MYO3A: variants seen among roughly 807,000 people sequenced by gnomAD.
MYO3A encodes the protein myosin-IIIa.
MYO3A carries 180 observed loss-of-function variants against 192.7 expected under a neutral mutation model. The ratio of observed to expected loss-of-function variants is 0.93; its 90% CI spans 0.83 to 1.06. The LOEUF (loss-of-function observed/expected upper bound fraction) is 1.06, where lower values mean the gene tolerates loss of function less well. Among genes scored for constraint, MYO3A ranks in the 50% least tolerant of loss-of-function variants. MYO3A has a pLI of 0.00. For missense variants in MYO3A, 1,896 were observed against 1,905.0 expected, an observed-to-expected ratio of 1.00 and a Z score of 0.09; for synonymous variants, 628 against 645.3, an observed-to-expected ratio of 0.97 and a Z score of 0.41.
rs1840463413 is a variant in MYO3A at position 25,996,716 on chromosome 10, TATGCA to T, written c.408+124_408+128del. 1.2e-5 allele frequency: 10 copies of T among 828,768 alleles called. No homozygotes were observed. The South Asian group carries it at 1.5e-4, about 12-fold the overall frequency. The allele number at this position is 828,768 out of a possible 1,614,324, so 51.3% of individuals were successfully genotyped here. Reference sequence around the variant, plus strand: ...ATTAGTATTTATTGATGGAAGAATATATGCAAAATCTGACATGTTCAGCATAGCTA... The same window carrying T: ...ATTAGTATTTATTGATGGAAGAATATAAATCTGACATGTTCAGCATAGCTA... On this transcript the variant is annotated intron_variant, in intron 5 of 34. Coordinates refer to ENST00000642920, the MANE Select transcript of MYO3A (RefSeq NM_017433.5).
At chr10:26,186,600 C>A (rs540796799) in intron 31 of MYO3A, among the ~76,000 whole-genome samples, 207 of 152,272 alleles carry the variant, frequency 1.4e-3, no homozygotes, top group African/African-American at 4.7e-3. Context: ...TAATGTGTAG[C>A]AAAGTAAATG....
Position 26,096,489 on chromosome 10 carries a change from C to CTGGG in MYO3A, c.1661+10_1661+11insTGGG. 6.2e-7 allele frequency: 1 copy of CTGGG among 1,608,222 alleles called. No homozygotes were observed. The highest frequency in any genetic ancestry group is 8.5e-7 in the Non-Finnish European group (1 of 1,174,866). ...AAAATAAGCCTCCCAGGTAATCTAC[C>CTGGG]AGGTTGAGCTTTCATCAATAATACT... On this transcript the variant is annotated intron_variant, in intron 16 of 34. Transcript: ENST00000642920.
intron 31 of MYO3A, among the ~76,000 whole-genome samples, chr10:26,189,055 T>C (rs1422801699): frequency 6.6e-6 from 1 of 152,226 alleles, no homozygotes; most frequent in Non-Finnish European, 1.5e-5. Context: ...GGGGATGGCA[T>C]TGAATCTATA....
At chr10:26,056,706 C>T (rs7917879) in intron 10 of MYO3A, among the ~76,000 whole-genome samples, 75,642 of 151,870 alleles carry the variant, frequency 0.5, 19,360 homozygotes, top group Middle Eastern at 0.6. Context: ...AGAAGCAAAG[C>T]GCTATCTTCC....
intron 14 of MYO3A, among the ~76,000 whole-genome samples, chr10:26,075,590 GAT>G (rs1220259104): frequency 2.9e-4 from 38 of 128,832 alleles, no homozygotes; most frequent in African/African-American, 7.8e-4. Context: ...ATATATATAT[GAT>G]ATATATATGT....
chr10:26,192,247 C>CA (rs1485955484), intron 31 of MYO3A, among the ~76,000 whole-genome samples: 2 of 151,960 alleles, frequency 1.3e-5, no homozygotes, highest in African/African-American at 4.8e-5. Flanking sequence ...TAGGAAAAGA[C>CA]AAAAAAATTT....
In MYO3A at chr10:26,096,426, G is replaced by C. The variant is rs765769520; in HGVS notation, c.1608G>C (p.Leu536Phe). 16 of 1,613,406 alleles carry C rather than the reference G, an allele frequency of 9.9e-6. No individual in the cohort carries two copies. In the Admixed American group the frequency reaches 2.7e-4, roughly 27 times the overall value. ...TTTTTTACTACATTTATGCTGGTTT[G>C]GCTGAAAAGAAGAAACTAGCCCATT... is the stretch of plus-strand genomic sequence containing the variant. ...FHIFYYIYAG[L>F]AEKKKLAHYK... Residue 536 changes from leucine (L) to phenylalanine (F), a missense_variant, in exon 16 of 35, where the codon TTG becomes TTC. Coordinates refer to ENST00000642920, the MANE Select transcript of MYO3A (RefSeq NM_017433.5).
intron 2 of MYO3A, among the ~76,000 whole-genome samples, chr10:25,939,778 C>G (rs1179023637): frequency 6.6e-6 from 1 of 151,732 alleles, no homozygotes; most frequent in African/African-American, 2.4e-5. Context: ...TTTATTTATC[C>G]TTACAAACAT....
chr10:26,122,850 A>G (rs1471618947), intron 18 of MYO3A, among the ~76,000 whole-genome samples: 1 of 152,224 alleles, frequency 6.6e-6, no homozygotes, highest in African/African-American at 2.4e-5. Context: ...ATCCCCAGGT[A>G]AAATGCCTAG....
chr10:26,062,795 G>A (rs1016861384), intron 10 of MYO3A, among the ~76,000 whole-genome samples: 2 of 152,094 alleles, frequency 1.3e-5, no homozygotes, highest in African/African-American at 4.8e-5. Context: ...AAAGAAAATC[G>A]AAAGACAGGT....
chr10:25,990,326 T>A (rs1839932512), intron 4 of MYO3A, among the ~76,000 whole-genome samples: 1 of 152,066 alleles, frequency 6.6e-6, no homozygotes, highest in South Asian at 2.1e-4. Flanking sequence ...TTTTTTCAAA[T>A]TTTTAAATTA....
intron 4 of MYO3A, among the ~76,000 whole-genome samples, chr10:25,977,616 T>G (rs1375618674): frequency 3.9e-5 from 6 of 152,190 alleles, no homozygotes; most frequent in Non-Finnish European, 1.5e-5. Context: ...TGGGGTGTAT[T>G]TTTTCTCAGT....
chr10:26,154,848 T>G, intron 25 of MYO3A, 25 bp downstream of exon 25: 1 of 1,583,846 alleles, frequency 6.3e-7, no homozygotes, highest in African/African-American at 1.3e-5. Flanking sequence ...TATGATGTAT[T>G]GTGCTTAGGG....
intron 14 of MYO3A, among the ~76,000 whole-genome samples, chr10:26,079,224 G>T (rs11527599): frequency 6.6e-6 from 1 of 151,908 alleles, no homozygotes; most frequent in Non-Finnish European, 1.5e-5. Flanking sequence ...TTAGGATTGC[G>T]ATATTTTCCT....
chr10:26,049,520 AG>A (rs1843842599), intron 10 of MYO3A, among the ~76,000 whole-genome samples: 1 of 152,136 alleles, frequency 6.6e-6, no homozygotes, highest in African/African-American at 2.4e-5. Context: ...GATACATATG[AG>A]AGGGGATCAT....
chr10:26,015,098 A>G (rs1411962393), intron 6 of MYO3A, among the ~76,000 whole-genome samples: 1 of 152,192 alleles, frequency 6.6e-6, no homozygotes, highest in African/African-American at 2.4e-5. Context: ...TTCCCTAGCA[A>G]AGCAAACGAC....
At chr10:25,941,353 G>C (rs748674302) in intron 2 of MYO3A, among the ~76,000 whole-genome samples, 10 of 152,216 alleles carry the variant, frequency 6.6e-5, no homozygotes, top group Non-Finnish European at 1.5e-4. Context: ...AAAATATTTT[G>C]ATTTCTCCTT....
chr10:26,082,477 T>G (rs1376193148), intron 14 of MYO3A, among the ~76,000 whole-genome samples: 3 of 152,224 alleles, frequency 2.0e-5, no homozygotes, highest in Non-Finnish European at 2.9e-5. Flanking sequence ...GTTATTTTTT[T>G]GGGATATTTG....
chr10:26,169,637 T>C (rs1419428190), intron 28 of MYO3A, among the ~76,000 whole-genome samples: 1 of 152,192 alleles, frequency 6.6e-6, no homozygotes, highest in Non-Finnish European at 1.5e-5. Flanking sequence ...ACTAATATCG[T>C]GGGCAGAGGA....
Sources: allele counts gnomAD v4.1 joint callset (sites outside exome capture counted in the v4.1 genomes callset), GRCh38; gene constraint gnomAD v4.1.1; transcripts MANE v1.5; gene names NCBI Gene and HGNC (gene_info 2026-07-23, HGNC 2026-07-21).